The following CHST9 variants were observed in gnomAD, a reference collection of about 807,000 sequenced individuals.
CHST9 encodes carbohydrate sulfotransferase 9, also known as GalNAc-4-sulfotransferase 2.
A neutral mutation model predicts 44.4 loss-of-function variants in CHST9; 41 were observed. That is an observed-to-expected ratio of 0.92 (90% CI 0.72 to 1.20). The LOEUF (loss-of-function observed/expected upper bound fraction) is 1.20. Ranked by LOEUF, CHST9 falls within the 50% of genes most tolerant of loss-of-function variation. The pLI, the probability that CHST9 is intolerant of heterozygous loss-of-function variation, is 0.00. For synonymous variants in CHST9, 171 were observed against 178.4 expected, an observed-to-expected ratio of 0.96 and a Z score of 0.33; for missense variants, 504 against 516.5, an observed-to-expected ratio of 0.98 and a Z score of 0.23.
chr18:27,021,792 G>A (rs2057229959), intron 4 of CHST9, among the ~76,000 whole-genome samples: 1 of 152,216 alleles, frequency 6.6e-6, no homozygotes, highest in Non-Finnish European at 1.5e-5. Flanking sequence ...TGTAAGCTAT[G>A]TGCTGTTGTC....
At position 26,912,731 on chromosome 18, in the gene CHST9, A is replaced by C. The variant is rs1466319735; in HGVS notation, c.*3528T>G. Reference sequence around the variant, plus strand: ...AAATTAATGCATGTAAACTACTTGAAGAGTGCCTGACACCCAGTAAGTATT... The same window carrying C: ...AAATTAATGCATGTAAACTACTTGACGAGTGCCTGACACCCAGTAAGTATT... On this transcript the variant is annotated 3_prime_UTR_variant, in exon 6 of 6. Coordinates refer to ENST00000618847, the MANE Select transcript of CHST9 (RefSeq NM_031422.6). 1 of 152,238 alleles carries C rather than the reference A, an allele frequency of 6.6e-6. No individual in the cohort carries two copies. Among genetic ancestry groups the C allele is most frequent in the African/African-American group, 2.4e-5 (1 of 41,466 alleles). The allele number at this position is 152,238 out of a possible 1,614,324, so 9.4% of individuals were successfully genotyped here. A position where few individuals can be genotyped will look rare whatever the true frequency, so the allele number is the denominator to read the frequency against.
intron 3 of CHST9, among the ~76,000 whole-genome samples, chr18:27,035,049 C>A (rs2057376965): frequency 6.6e-6 from 1 of 152,152 alleles, no homozygotes; most frequent in Non-Finnish European, 1.5e-5. Context: ...GATAAAGTAG[C>A]TCTATTTTTA....
intron 4 of CHST9, among the ~76,000 whole-genome samples, chr18:26,971,209 T>C (rs7229046): frequency 0.26 from 40,101 of 151,774 alleles, 5,851 homozygotes; most frequent in African/African-American, 0.39. Flanking sequence ...CTAACTTGCA[T>C]AGTAGGTACT....
intron 3 of CHST9, among the ~76,000 whole-genome samples, chr18:27,034,033 T>C (rs1283451994): frequency 6.6e-6 from 1 of 152,246 alleles, no homozygotes; most frequent in African/African-American, 2.4e-5. Context: ...TCCGCACTGC[T>C]GCTTCCCTGT....
chr18:27,007,109 T>A (rs920632763), intron 4 of CHST9, among the ~76,000 whole-genome samples: 1 of 152,196 alleles, frequency 6.6e-6, no homozygotes, highest in South Asian at 2.1e-4. Flanking sequence ...AGAAACCCAC[T>A]GAAGTGTGGA....
Position 27,092,846 on chromosome 18 carries a change from A to T in CHST9, c.122-44343T>A, listed in dbSNP as rs146737718. On this transcript the variant is annotated intron_variant, in intron 2 of 5. Coordinates refer to ENST00000618847, the MANE Select transcript of CHST9 (RefSeq NM_031422.6). Reference sequence around the variant, plus strand: ...AATTTCTATTTTTTTACATTTGCTGAGAAGTGCTTTACTTCCAATTAAGTG... The same window carrying T: ...AATTTCTATTTTTTTACATTTGCTGTGAAGTGCTTTACTTCCAATTAAGTG... 4.5e-3 allele frequency among the ~76,000 whole-genome samples: 690 copies of T among 152,262 alleles called. 4 individuals are homozygous for T. Among genetic ancestry groups the T allele is most frequent in the African/African-American group, 0.015 (613 of 41,536 alleles).
chr18:27,104,863 T>C (rs2058207093), intron 2 of CHST9, among the ~76,000 whole-genome samples: 1 of 152,192 alleles, frequency 6.6e-6, no homozygotes, highest in Admixed American at 6.5e-5. Context: ...GAAATTTGTT[T>C]AGCATTTGGA....
At chr18:27,031,671 T>C (rs2057342066) in intron 3 of CHST9, among the ~76,000 whole-genome samples, 2 of 152,218 alleles carry the variant, frequency 1.3e-5, no homozygotes, top group African/African-American at 4.8e-5. Flanking sequence ...TATAACTGCA[T>C]TAAATACAAT....
rs1333813085 is a variant in CHST9, at chr18:27,025,129, T to G, written c.161-972A>C. 5.4e-5 allele frequency among the ~76,000 whole-genome samples: 8 copies of G among 148,100 alleles called. No individual in the cohort carries two copies. In the Admixed American group the frequency reaches 5.4e-4, roughly 10 times the overall value. On this transcript the variant is annotated intron_variant, in intron 3 of 5. Coordinates refer to ENST00000618847, the MANE Select transcript of CHST9 (RefSeq NM_031422.6). Reference sequence around the variant, plus strand: ...TATACTATATGTCATACCATATATTTTATATAATATATAACTATAATGAAA... The same window carrying G: ...TATACTATATGTCATACCATATATTGTATATAATATATAACTATAATGAAA...
intron 2 of CHST9, among the ~76,000 whole-genome samples, chr18:27,090,384 T>C (rs992463511): frequency 5.3e-5 from 8 of 152,134 alleles, no homozygotes; most frequent in Non-Finnish European, 1.2e-4. Flanking sequence ...AATTTTCTCC[T>C]ATTCTCTAGG....
intron 1 of CHST9, among the ~76,000 whole-genome samples, chr18:27,153,450 T>G (rs1031488248): frequency 7.9e-5 from 12 of 151,900 alleles, no homozygotes. Flanking sequence ...GTAGATCTAG[T>G]CTCTGCCTCC....
At chr18:27,052,902 T>A (rs2057584932) in intron 2 of CHST9, among the ~76,000 whole-genome samples, 1 of 151,534 alleles carries the variant, frequency 6.6e-6, no homozygotes, top group Non-Finnish European at 1.5e-5. Context: ...GAGGGGAACA[T>A]CACACACTGG....
intron 2 of CHST9, among the ~76,000 whole-genome samples, chr18:27,104,390 T>C (rs2058202397): frequency 6.6e-6 from 1 of 152,194 alleles, no homozygotes; most frequent in South Asian, 2.1e-4. Context: ...TTTGCATGGG[T>C]AGAAATTTTT....
chr18:27,127,548 A>G (rs1399750573), intron 2 of CHST9, among the ~76,000 whole-genome samples: 1 of 152,218 alleles, frequency 6.6e-6, no homozygotes, highest in African/African-American at 2.4e-5. Flanking sequence ...GGAGATAGTT[A>G]TGACACAAAA....
chr18:26,999,352 T>C (rs554504170), intron 4 of CHST9, among the ~76,000 whole-genome samples: 1 of 152,328 alleles, frequency 6.6e-6, no homozygotes, highest in Admixed American at 6.5e-5. Context: ...CTATAGCTTC[T>C]AAAATACTCA....
At chr18:27,025,518 T>G (rs1410180569) in intron 3 of CHST9, among the ~76,000 whole-genome samples, 1 of 152,210 alleles carries the variant, frequency 6.6e-6, no homozygotes, top group South Asian at 2.1e-4. Flanking sequence ...AATGATATGC[T>G]ATTCTGTTTT....
intron 5 of CHST9, among the ~76,000 whole-genome samples, chr18:26,925,376 C>T (rs2055746980): frequency 6.6e-6 from 1 of 152,180 alleles, no homozygotes; most frequent in Non-Finnish European, 1.5e-5. Context: ...GCTCATTTTA[C>T]AGATTAAGAA....
chr18:26,975,291 T>C (rs2056603500), intron 4 of CHST9, among the ~76,000 whole-genome samples: 1 of 152,118 alleles, frequency 6.6e-6, no homozygotes, highest in Non-Finnish European at 1.5e-5. Context: ...TTTACTTGTA[T>C]AAATGTATGG....
rs185935705 is a variant in CHST9, at chr18:27,116,344, T to C, written c.121+26345A>G. The stretch of plus-strand genomic sequence containing the variant: ...TTATTGTTTTGCATATGAATATCCA[T>C]TTACGCCAGTATTATTTGTTAAAAA... On this transcript the variant is annotated intron_variant, in intron 2 of 5. Transcript: ENST00000618847. Among the ~76,000 whole-genome samples the C allele has an allele frequency of 9.5e-4, 144 of 152,262 alleles. 1 individual carries two copies. The highest frequency in any genetic ancestry group is 3.4e-3 in the Middle Eastern group (1 of 294).
Sources: allele counts gnomAD v4.1 joint callset (sites outside exome capture counted in the v4.1 genomes callset), GRCh38; gene constraint gnomAD v4.1.1; transcripts MANE v1.5; gene names NCBI Gene and HGNC (gene_info 2026-07-23, HGNC 2026-07-21).